Variants in AGBL4 observed in about 807,000 individuals in gnomAD.
AGBL4 encodes the protein AGBL carboxypeptidase 4.
In AGBL4, 58 loss-of-function variants were observed where a neutral mutation model predicts 66.4. The observed-to-expected ratio is 0.87, with a 90% CI of 0.71 to 1.09. The LOEUF is 1.09. AGBL4 is among the 50% of genes least tolerant of loss of function. The pLI, the probability that AGBL4 is intolerant of heterozygous loss-of-function variation, is 0.00. For missense variants in AGBL4, 579 were observed against 631.0 expected, an observed-to-expected ratio of 0.92 and a Z score of 0.88; for synonymous variants, 234 against 222.9, an observed-to-expected ratio of 1.05 and a Z score of -0.44.
At chr1:49,391,535 C>T (rs1644845427) in intron 3 of AGBL4, among the ~76,000 whole-genome samples, 1 of 150,222 alleles carries the variant, frequency 6.7e-6, no homozygotes, top group Non-Finnish European at 1.5e-5. Flanking sequence ...CATGAAAAAT[C>T]CAGGATAACC....
chr1:49,634,684 T>G (rs1223047399), intron 3 of AGBL4, among the ~76,000 whole-genome samples: 3 of 152,278 alleles, frequency 2.0e-5, no homozygotes, highest in East Asian at 1.9e-4. Context: ...CCAACAACAG[T>G]GTAAAAGTGT....
chr1:48,662,360 T>A (rs778155742), intron 7 of AGBL4, among the ~76,000 whole-genome samples: 1 of 152,212 alleles, frequency 6.6e-6, no homozygotes. Context: ...CAGCCAATAC[T>A]TGACCTCAGG....
At chr1:48,697,139 C>T (rs1481993526) in intron 6 of AGBL4, among the ~76,000 whole-genome samples, 2 of 152,092 alleles carry the variant, frequency 1.3e-5, no homozygotes, top group South Asian at 2.1e-4. Flanking sequence ...GATTCAGCTG[C>T]TCTTCACCAA....
intron 5 of AGBL4, among the ~76,000 whole-genome samples, chr1:49,013,316 T>A (rs916480763): frequency 2.6e-5 from 4 of 152,178 alleles, no homozygotes; most frequent in African/African-American, 9.7e-5. Context: ...GTATCTTCTT[T>A]ACACATCATG....
chr1:48,870,749 C>T (rs1648572319), intron 5 of AGBL4, among the ~76,000 whole-genome samples: 2 of 152,274 alleles, frequency 1.3e-5, no homozygotes, highest in African/African-American at 2.4e-5. Context: ...TAACACTAAC[C>T]TGGTGATAAG....
chr1:48,663,970 C>T (rs1039346367), intron 6 of AGBL4, among the ~76,000 whole-genome samples: 6 of 152,064 alleles, frequency 3.9e-5, no homozygotes, highest in Non-Finnish European at 7.4e-5. Flanking sequence ...TCTTAAACAA[C>T]TAAAAAACTG....
At chr1:49,956,105 T>C (rs1656583787) in intron 1 of AGBL4, among the ~76,000 whole-genome samples, 1 of 151,904 alleles carries the variant, frequency 6.6e-6, no homozygotes, top group African/African-American at 2.4e-5. Flanking sequence ...CAAAGCACTG[T>C]CACTCATCAG....
chr1:49,542,545 C>T (rs539975132), intron 3 of AGBL4, among the ~76,000 whole-genome samples: 100 of 152,218 alleles, frequency 6.6e-4, no homozygotes, highest in East Asian at 4.5e-3. Flanking sequence ...CCACCAATTC[C>T]GGACACATTT....
chr1:48,854,808 G>A (rs1203075260), intron 6 of AGBL4, among the ~76,000 whole-genome samples: 1 of 152,146 alleles, frequency 6.6e-6, no homozygotes, highest in African/African-American at 2.4e-5. Context: ...GTTTTTCCTA[G>A]GAGTAGAATT....
At chr1:49,589,235 A>T (rs555883103) in intron 3 of AGBL4, among the ~76,000 whole-genome samples, 26 of 152,138 alleles carry the variant, frequency 1.7e-4, no homozygotes, top group Non-Finnish European at 3.4e-4. Flanking sequence ...GAGACCAACT[A>T]ATTTTATTTT....
At chr1:49,356,341 A>G (rs1247968929) in intron 3 of AGBL4, among the ~76,000 whole-genome samples, 1 of 152,220 alleles carries the variant, frequency 6.6e-6, no homozygotes, top group Non-Finnish European at 1.5e-5. Flanking sequence ...ACAGACACAG[A>G]CACCTTCACA....
intron 4 of AGBL4, among the ~76,000 whole-genome samples, chr1:49,198,491 C>A (rs1010860760): frequency 6.6e-6 from 1 of 152,046 alleles, no homozygotes; most frequent in East Asian, 1.9e-4. Flanking sequence ...CAGGTGCACA[C>A]CACCATGCCT....
intron 4 of AGBL4, among the ~76,000 whole-genome samples, chr1:49,230,185 G>A (rs1204734591): frequency 6.6e-6 from 1 of 152,150 alleles, no homozygotes; most frequent in Non-Finnish European, 1.5e-5. Flanking sequence ...TGTCCACCTT[G>A]CTTATGTGCC....
chr1:49,611,874 T>G (rs1319880452), intron 3 of AGBL4, among the ~76,000 whole-genome samples: 1 of 152,238 alleles, frequency 6.6e-6, no homozygotes, highest in African/African-American at 2.4e-5. Flanking sequence ...AGGAAATATT[T>G]TTAAAAATAC....
chr1:48,634,547 G>A lies in AGBL4; in HGVS notation c.897C>T (p.Val299=), dbSNP rs2148414964. ...GTTTCACTCCATGCAGGGTAGGATG[G>A]ACCCATGGAGAGGGATCCAGCCAGT... ...NRHWLDPSPW[V]HPTLHGVKQL... is the part of the protein sequence containing the mutation. Residue 299 remains valine, a synonymous_variant, in exon 9 of 14, where the codon GTC becomes GTT. Transcript: ENST00000371839. 6.2e-7 allele frequency: 1 copy of A among 1,606,998 alleles called. No individual in the cohort carries two copies. Among genetic ancestry groups the A allele is most frequent in the Non-Finnish European group, 8.5e-7 (1 of 1,176,788 alleles).
chr1:49,826,278 G>T (rs1471428783), intron 2 of AGBL4, among the ~76,000 whole-genome samples: 1 of 152,142 alleles, frequency 6.6e-6, no homozygotes, highest in Non-Finnish European at 1.5e-5. Context: ...GTACATATGG[G>T]TATGAGCATT....
chr1:49,732,547 T>C (rs1050421327), intron 2 of AGBL4, among the ~76,000 whole-genome samples: 1 of 151,976 alleles, frequency 6.6e-6, no homozygotes, highest in Non-Finnish European at 1.5e-5. Flanking sequence ...TAAATACTAA[T>C]GAACAATTAG....
chr1:50,000,728 C>T (rs1253616644), intron 1 of AGBL4, among the ~76,000 whole-genome samples: 1 of 152,142 alleles, frequency 6.6e-6, no homozygotes, highest in Non-Finnish European at 1.5e-5. Context: ...CCATGGAATA[C>T]TACTCAGCCA....
At chr1:49,709,159 C>A (rs988446608) in intron 2 of AGBL4, among the ~76,000 whole-genome samples, 14 of 152,214 alleles carry the variant, frequency 9.2e-5, no homozygotes, top group African/African-American at 3.4e-4. Context: ...GTGGCCATAG[C>A]TGCCCCTTCC....
Sources: gnomAD v4.1 joint callset for allele counts (sites outside exome capture counted in the v4.1 genomes callset) on GRCh38, gnomAD v4.1.1 for gene constraint, MANE v1.5 for transcripts, NCBI Gene and HGNC (gene_info 2026-07-23, HGNC 2026-07-21) for gene names.